Variants in SMIM23 observed in about 807,000 individuals in gnomAD.
SMIM23 encodes the protein CTB-78H18.1.
A neutral mutation model predicts 12.8 loss-of-function variants in SMIM23; 10 were observed. The ratio of observed to expected loss-of-function variants is 0.78; its 90% CI spans 0.48 to 1.32. The LOEUF is 1.32. Ranked by LOEUF, SMIM23 falls within the 40% of genes most tolerant of loss-of-function variation. The probability of loss-of-function intolerance (pLI) is 0.00; values close to 1 mark genes in which losing one functional copy is unlikely to be tolerated. For missense variants in SMIM23, 184 were observed against 198.2 expected (o/e 0.93, Z 0.43); for synonymous variants, 78 against 80.1 (o/e 0.97, Z 0.14).
the SMIM23 span, among the ~76,000 whole-genome samples, chr5:171,775,184 C>T: frequency 6.6e-6 from 1 of 152,214 alleles, no homozygotes; most frequent in East Asian, 1.9e-4. Context: ...TGCCCGCCGC[C>T]CCTCTAACAG....
At chr5:171,788,886 C>G (rs1345956295) in intron 1 of SMIM23, among the ~76,000 whole-genome samples, 3 of 152,270 alleles carry the variant, frequency 2.0e-5, no homozygotes, top group Non-Finnish European at 2.9e-5. Context: ...GTCACCCAGA[C>G]TGGAGTGCAG....
chr5:171,780,954 G>A (rs1314227701), upstream of SMIM23, among the ~76,000 whole-genome samples: 1 of 152,142 alleles, frequency 6.6e-6, no homozygotes, highest in Non-Finnish European at 1.5e-5. Flanking sequence ...AAAGTGTTCA[G>A]TCTAAGCTTC....
At chr5:171,774,053 A>C in the SMIM23 span, 1 of 356,930 alleles carries the variant, frequency 2.8e-6, no homozygotes, top group Admixed American at 3.9e-5. Context: ...TTTGTGTCTG[A>C]TTTCTTGTCT....
upstream of SMIM23, among the ~76,000 whole-genome samples, chr5:171,783,286 C>T (rs1561589535): frequency 6.6e-6 from 1 of 152,112 alleles, no homozygotes. Flanking sequence ...TCCCAGCTGG[C>T]AAAGTATTTT....
upstream of SMIM23, among the ~76,000 whole-genome samples, chr5:171,778,824 G>T (rs1755682047): frequency 6.6e-6 from 1 of 152,158 alleles, no homozygotes; most frequent in Admixed American, 6.5e-5. Flanking sequence ...CACCACGCAG[G>T]GTATACATTT....
At position 171,790,507 on chromosome 5, in the gene SMIM23, G is replaced by A. The variant is rs1017369284; in HGVS notation, c.183G>A (p.Arg61=). The change falls in exon 3 of 4, where the codon AGG becomes AGA. Residue 61 remains arginine (R), a synonymous_variant. Coordinates refer to ENST00000523047, the MANE Select transcript of SMIM23 (RefSeq NM_001289970.2). ...GAAGCAGTTGGGAGGTGTCAGAAAG[G>A]ATCAGAGAATGTAACTACTACCAGA... ...IWGSSWEVSE[R]IRECNYYQNL... is the part of the protein sequence containing the mutation. 2.6e-6 allele frequency: 4 copies of A among 1,536,656 alleles called. No homozygotes were observed. In the African/African-American group the frequency reaches 5.5e-5, roughly 21 times the overall value.
upstream of SMIM23, among the ~76,000 whole-genome samples, chr5:171,784,375 G>A (rs1426937683): frequency 1.3e-5 from 2 of 151,998 alleles, no homozygotes; most frequent in Non-Finnish European, 2.9e-5. Context: ...TGTGGTGGCG[G>A]GTGCCTGTAG....
upstream of SMIM23, among the ~76,000 whole-genome samples, chr5:171,779,467 T>A (rs1755690380): frequency 6.6e-6 from 1 of 152,214 alleles, no homozygotes; most frequent in Non-Finnish European, 1.5e-5. Flanking sequence ...AGGCTAGGAC[T>A]GGGTTCTGGT....
chr5:171,788,523 G>A (rs938946019), intron 1 of SMIM23, among the ~76,000 whole-genome samples: 3 of 151,812 alleles, frequency 2.0e-5, no homozygotes, highest in South Asian at 2.1e-4. Context: ...GAATAAAAGA[G>A]GATTATTATC....
At chr5:171,787,781 C>T (rs1307218067) in intron 1 of SMIM23, among the ~76,000 whole-genome samples, 1 of 152,220 alleles carries the variant, frequency 6.6e-6, no homozygotes, top group Non-Finnish European at 1.5e-5. Flanking sequence ...GCATCCCACC[C>T]TTCATAGCAG....
upstream of SMIM23, among the ~76,000 whole-genome samples, chr5:171,777,691 C>G (rs1225392179): frequency 1.3e-5 from 2 of 152,172 alleles, no homozygotes; most frequent in Non-Finnish European, 2.9e-5. Context: ...CTCCTGGGGC[C>G]GAGAGCTCGG....
At chr5:171,781,351 C>T (rs146893650), upstream of SMIM23, among the ~76,000 whole-genome samples, 10 of 152,296 alleles carry the variant, frequency 6.6e-5, no homozygotes, top group East Asian at 1.7e-3. Flanking sequence ...AAGACAGCCC[C>T]GGCTAAGGGG....
chr5:171,773,458 A>C, the SMIM23 span, among the ~76,000 whole-genome samples: 1 of 145,230 alleles, frequency 6.9e-6, no homozygotes, highest in African/African-American at 2.6e-5. Flanking sequence ...TAATCCAATT[A>C]ACAGATAATT....
chr5:171,786,084 G>T (rs563451286), intron 1 of SMIM23, 108 bp downstream of exon 1: 5 of 891,298 alleles, frequency 5.6e-6, no homozygotes, highest in East Asian at 2.7e-5. Context: ...GGACCCAACC[G>T]TCCCTGGATC....
Position 171,785,880 on chromosome 5 carries a change from C to A in SMIM23, c.9C>A (p.Thr3=). The A allele has an allele frequency of 6.5e-7, 1 of 1,536,208 alleles. No homozygotes were observed. Among genetic ancestry groups the A allele is most frequent in the East Asian group, 2.4e-5 (1 of 40,912 alleles). Residue 3 remains threonine, a synonymous_variant, in exon 1 of 4, where the codon ACC becomes ACA. Transcript: ENST00000523047. MA[T]QQVDSRRQVA... ...CAGCCAGATCTGAGGCCATGGCAAC[C>A]CAGCAAGTGGACAGCAGAAGGCAGG...
intron 1 of SMIM23, among the ~76,000 whole-genome samples, chr5:171,788,513 G>A (rs1381228915): frequency 6.6e-6 from 1 of 151,766 alleles, no homozygotes; most frequent in South Asian, 2.1e-4. Context: ...TTTTTAAAAA[G>A]AATAAAAGAG....
intron 3 of SMIM23, 100 bp from the exon 4 acceptor site, chr5:171,790,695 C>T: frequency 7.2e-7 from 1 of 1,396,292 alleles, no homozygotes. Context: ...CAATGAGTAG[C>T]ATGTGCAAAG....
Position 171,790,224 on chromosome 5 carries a change from C to A in SMIM23, c.106-6C>A, listed in dbSNP as rs951449895. Reference sequence around the variant, plus strand: ...TCTTCCTCCTCTTCCTCTTCTTGCACCCTAGACGCTGTTGGCATTGCTGAT... The same window carrying A: ...TCTTCCTCCTCTTCCTCTTCTTGCAACCTAGACGCTGTTGGCATTGCTGAT... On this transcript the variant is annotated splice_region_variant and splice_polypyrimidine_tract_variant and intron_variant, in intron 1 of 3. Coordinates refer to ENST00000523047, the MANE Select transcript of SMIM23 (RefSeq NM_001289970.2). The A allele has an allele frequency of 6.5e-7, 1 of 1,536,090 alleles. No homozygotes were observed.
At chr5:171,773,823 A>T in the SMIM23 span, 1 of 456,354 alleles carries the variant, frequency 2.2e-6, no homozygotes, top group East Asian at 6.9e-5. Flanking sequence ...TCTAGATTGT[A>T]TGAGAAAGCT....
Sources: gnomAD v4.1 joint callset for allele counts (sites outside exome capture counted in the v4.1 genomes callset) on GRCh38, gnomAD v4.1.1 for gene constraint, MANE v1.5 for transcripts, NCBI Gene and HGNC (gene_info 2026-07-23, HGNC 2026-07-21) for gene names.